The following IP6K3 variants were observed in gnomAD, a reference collection of about 807,000 sequenced individuals.
IP6K3 encodes the protein inositol hexakisphosphate kinase 3, also known as ATP:1D-myo-inositol-hexakisphosphate phosphotransferase.
A neutral mutation model predicts 28.8 loss-of-function variants in IP6K3; 20 were observed. The observed-to-expected ratio is 0.70, with a 90% confidence interval of 0.49 to 1.01. The LOEUF is 1.01. IP6K3 is among the 50% of genes least tolerant of loss of function. The pLI, the probability that IP6K3 is intolerant of heterozygous loss-of-function variation, is 0.00. For synonymous variants in IP6K3, 213 were observed against 221.3 expected (o/e 0.96, Z 0.33); for missense variants, 480 against 537.1 (o/e 0.89, Z 1.05).
chr6:33,724,939 C>G lies in IP6K3; in HGVS notation c.765+502G>C, dbSNP rs554942697. Among the ~76,000 whole-genome samples, 187 of 152,272 alleles carry G rather than the reference C, an allele frequency of 1.2e-3. 1 individual carries two copies. The highest frequency in any genetic ancestry group is 4.4e-3 in the African/African-American group (184 of 41,558). On this transcript the variant is annotated intron_variant, in intron 5 of 5. Coordinates refer to ENST00000293756, the MANE Select transcript of IP6K3 (RefSeq NM_054111.5). ...TTTGACATCACTATTCTGAAGGGTG[C>G]TTTTGGAAAGATCCAGTGTGGGCCG...
At chr6:33,733,157 C>T (rs1766375824) in intron 2 of IP6K3, among the ~76,000 whole-genome samples, 1 of 152,200 alleles carries the variant, frequency 6.6e-6, no homozygotes, top group Non-Finnish European at 1.5e-5. Context: ...TCCCTCCTGG[C>T]TTATATAGAA....
At chr6:33,761,380 C>G in the IP6K3 span, among the ~76,000 whole-genome samples, 1 of 152,138 alleles carries the variant, frequency 6.6e-6, no homozygotes, top group African/African-American at 2.4e-5. Flanking sequence ...AAGATCCACC[C>G]CCACTCCTGA....
intron 1 of IP6K3, among the ~76,000 whole-genome samples, chr6:33,737,527 G>A (rs1212100345): frequency 6.6e-6 from 1 of 152,204 alleles, no homozygotes; most frequent in African/African-American, 2.4e-5. Flanking sequence ...GCACAGCAGT[G>A]CCCATCAATT....
the IP6K3 span, among the ~76,000 whole-genome samples, chr6:33,759,082 G>A: frequency 6.6e-6 from 1 of 152,122 alleles, no homozygotes; most frequent in African/African-American, 2.4e-5. Context: ...CCTCCTAATG[G>A]GAAGTTAAAA....
intron 2 of IP6K3, among the ~76,000 whole-genome samples, chr6:33,731,242 C>T: frequency 6.6e-6 from 1 of 152,154 alleles, no homozygotes; most frequent in East Asian, 1.9e-4. Flanking sequence ...AAAATTCAAG[C>T]TGCCCTCCAG....
At chr6:33,749,831 A>G (rs183508131), upstream of IP6K3, among the ~76,000 whole-genome samples, 114 of 152,122 alleles carry the variant, frequency 7.5e-4, 1 homozygote, top group Admixed American at 3.9e-3. Context: ...TTCACAGTGG[A>G]GGAAACAAGA....
At chr6:33,741,491 T>A (rs1183666218) in intron 1 of IP6K3, among the ~76,000 whole-genome samples, 1 of 150,804 alleles carries the variant, frequency 6.6e-6, no homozygotes, top group Admixed American at 6.6e-5. Context: ...AAAAATATTT[T>A]AAAAAGTAGC....
chr6:33,735,696 G>A (rs910059449), intron 1 of IP6K3, 41 bp from the exon 2 acceptor site: 1 of 1,202,994 alleles, frequency 8.3e-7, no homozygotes, highest in African/African-American at 1.5e-5. Flanking sequence ...TATGAGGGAG[G>A]TGGTGGCTGG....
intron 1 of IP6K3, among the ~76,000 whole-genome samples, chr6:33,735,959 C>T (rs1041503251): frequency 6.6e-6 from 1 of 152,094 alleles, no homozygotes; most frequent in South Asian, 2.1e-4. Flanking sequence ...GCTTGACCTC[C>T]TGGGCTCAAA....
Position 33,744,459 on chromosome 6 carries a change from G to T in IP6K3, c.-180+2299C>A, listed in dbSNP as rs1167172839. 6.6e-6 allele frequency among the ~76,000 whole-genome samples: 1 copy of T among 152,190 alleles called. No homozygotes were observed. The highest frequency in any genetic ancestry group is 1.5e-5 in the Non-Finnish European group (1 of 68,032). On this transcript the variant is annotated intron_variant, in intron 1 of 5. Transcript: ENST00000293756. This position sits in a 1 kb window ranked among gnomAD's most constrained non-coding sequence, Gnocchi z 4.4. ...TAAGGTCAAAACACAATAATGGGAT[G>T]GAGTGTGTGTGCGTGCATGTGTTTG... is the stretch of plus-strand genomic sequence containing the variant.
Position 33,735,312 on chromosome 6 carries a change from C to T in IP6K3, c.165G>A (p.Pro55=), listed in dbSNP as rs623813. The T allele has an allele frequency of 0.13, 214,784 of 1,610,322 alleles. 15,378 individuals carry two copies. Among genetic ancestry groups the T allele is most frequent in the Non-Finnish European group, 0.15 (177,056 of 1,178,404 alleles). ...GTGGGGTGAACCGCTTCATGGCCAG[C>T]GGCAGGGATTCATAGAACCTCTGCT... ...SREQRFYESL[P]LAMKRFTPQY... The change falls in exon 2 of 6, where the codon CCG becomes CCA. Residue 55 remains proline, a synonymous_variant. Transcript: ENST00000293756.
chr6:33,723,138 C>T lies in IP6K3; in HGVS notation c.815G>A (p.Gly272Glu). 1 of 1,612,856 alleles carries T rather than the reference C, an allele frequency of 6.2e-7. No homozygotes were observed. Among genetic ancestry groups the T allele is most frequent in the Non-Finnish European group, 8.5e-7 (1 of 1,179,448 alleles). The change falls in exon 6 of 6, where the codon GGA (glycine) becomes GAA (glutamate). Residue 272 changes from glycine (G) to glutamate (E), a missense_variant. Transcript: ENST00000293756. ...GAACCCCTCCACTGAGAGTTTTCTT[C>T]CATAGTACTTGTCTTTGCAGAGAAA... Reference protein sequence around the residue: ...KYFLCKDKYYGRKLSVEGFRQ... With the variant: ...KYFLCKDKYYERKLSVEGFRQ...
the IP6K3 span, among the ~76,000 whole-genome samples, chr6:33,757,018 G>A: frequency 6.6e-6 from 1 of 152,208 alleles, no homozygotes; most frequent in Non-Finnish European, 1.5e-5. Context: ...ACTGCTGCTC[G>A]CCTGCTGCAA....
At chr6:33,736,272 C>T (rs1766521080) in intron 1 of IP6K3, among the ~76,000 whole-genome samples, 1 of 152,218 alleles carries the variant, frequency 6.6e-6, no homozygotes, top group Admixed American at 6.5e-5. Flanking sequence ...ATCTTAACTT[C>T]ACCTGACATG....
rs149642214 is a variant in IP6K3 at position 33,732,098 on chromosome 6, G to A, written c.199+3180C>T. On this transcript the variant is annotated intron_variant, in intron 2 of 5. Transcript: ENST00000293756. ...CTTGCTGCCATCTGTAATATGAATC[G>A]GGTCAATTGTTAACCAACTGGACTT... 2.4e-4 allele frequency among the ~76,000 whole-genome samples: 36 copies of A among 152,286 alleles called. 1 individual carries two copies. The East Asian group carries it at 4.3e-3, about 18-fold the overall frequency.
chr6:33,726,637 T>G, intron 4 of IP6K3, 94 bp downstream of exon 4: 26 of 1,242,510 alleles, frequency 2.1e-5, no homozygotes, highest in Non-Finnish European at 2.8e-5. Context: ...ATTGGCCCCG[T>G]GTTTGTGTGT....
rs1456788976 is a variant in IP6K3 at position 33,722,690 on chromosome 6, C to T, written c.*30G>A. ...CAGGTCTCTATTTGAGATCTATAGC[C>T]CAGAAGAATCCAGATAAGCCCAGGA... On this transcript the variant is annotated 3_prime_UTR_variant, in exon 6 of 6. Coordinates refer to ENST00000293756, the MANE Select transcript of IP6K3 (RefSeq NM_054111.5). 2 of 1,481,186 alleles carry T rather than the reference C, an allele frequency of 1.4e-6. No individual in the cohort carries two copies. The highest frequency in any genetic ancestry group is 3.6e-5 in the Admixed American group (2 of 55,712). 91.8% of individuals were successfully genotyped at this position (1,481,186 alleles called of 1,614,324 possible).
Position 33,723,003 on chromosome 6 carries a change from C to T in IP6K3, c.950G>A (p.Ser317Asn). Residue 317 changes from serine (S) to asparagine (N), a missense_variant, in exon 6 of 6, where the codon AGT becomes AAT. Ser to Asn is a conservative substitution (Grantham distance 46). Transcript: ENST00000293756. ...AGAGCTGGAATAGAAGCGGTATGAA[C>T]TCTGGCTCCTAATGACAGAGAGGAG... is the stretch of plus-strand genomic sequence containing the variant. ...RALLSVIRSQSSYRFYSSSLL... is the reference protein window; with the variant it reads ...RALLSVIRSQNSYRFYSSSLL... 6.2e-7 allele frequency: 1 copy of T among 1,614,090 alleles called. No individual in the cohort carries two copies. Among genetic ancestry groups the T allele is most frequent in the Non-Finnish European group, 8.5e-7 (1 of 1,180,042 alleles).
At chr6:33,757,150 C>G in the IP6K3 span, among the ~76,000 whole-genome samples, 2 of 152,238 alleles carry the variant, frequency 1.3e-5, no homozygotes. Flanking sequence ...TGGCAGTTCC[C>G]CTGGTGATGG....
Sources: gnomAD v4.1 joint callset for allele counts (sites outside exome capture counted in the v4.1 genomes callset) on GRCh38, gnomAD v4.1.1 for gene constraint, Gnocchi (gnomAD v3.1) non-coding constraint, MANE v1.5 for transcripts, NCBI Gene and HGNC (gene_info 2026-07-23, HGNC 2026-07-21) for gene names.